WWOX: variants seen among roughly 807,000 people sequenced by gnomAD.
WWOX encodes WW domain-containing oxidoreductase.
WWOX carries 69 observed loss-of-function variants against 46.2 expected under a neutral mutation model. The ratio of observed to expected loss-of-function variants is 1.49; its 90% CI spans 1.23 to 1.82. WWOX has a LOEUF of 1.82. Among genes scored for constraint, WWOX ranks in the 40% most tolerant of loss-of-function variants. WWOX has a pLI of 0.00. For synonymous variants in WWOX, 359 were observed against 202.6 expected (o/e 1.77, Z -6.56); for missense variants, 919 against 542.6 (o/e 1.69, Z -6.89).
At chr16:78,938,273 C>G (rs2045783264) in intron 8 of WWOX, among the ~76,000 whole-genome samples, 1 of 152,180 alleles carries the variant, frequency 6.6e-6, no homozygotes, top group African/African-American at 2.4e-5. Flanking sequence ...GGAAGTAGAT[C>G]AGTGTTGCCC....
intron 8 of WWOX, among the ~76,000 whole-genome samples, chr16:78,568,122 G>A (rs973020220): frequency 2.0e-5 from 3 of 152,148 alleles, no homozygotes; most frequent in Admixed American, 1.3e-4. Context: ...ATTTGAAAGT[G>A]TGCATTAATG....
At chr16:78,381,571 G>A (rs547886955) in intron 5 of WWOX, among the ~76,000 whole-genome samples, 1 of 152,214 alleles carries the variant, frequency 6.6e-6, no homozygotes, top group African/African-American at 2.4e-5. Flanking sequence ...GGTAGAGTCT[G>A]TATACATAAT....
chr16:78,282,164 C>T (rs970487119), intron 5 of WWOX, among the ~76,000 whole-genome samples: 1 of 152,188 alleles, frequency 6.6e-6, no homozygotes, highest in African/African-American at 2.4e-5. Flanking sequence ...TCTGCTTCTC[C>T]ACGGAGTCTG....
At chr16:78,860,371 G>A (rs1429114671) in intron 8 of WWOX, among the ~76,000 whole-genome samples, 1 of 152,134 alleles carries the variant, frequency 6.6e-6, no homozygotes, top group Non-Finnish European at 1.5e-5. Context: ...TCTGTTCTGA[G>A]CACCTCCCAT....
chr16:78,797,750 G>A lies in WWOX; in HGVS notation c.1056+364998G>A, dbSNP rs138319896. On this transcript the variant is annotated intron_variant, in intron 8 of 8. Coordinates refer to ENST00000566780, the MANE Select transcript of WWOX (RefSeq NM_016373.4). ...TGCCTGTAATCCCAGCACTTTGGGA[G>A]GTCGAGGCAGGAGGATCTCTTGAGG... is the stretch of plus-strand genomic sequence containing the variant. Among the ~76,000 whole-genome samples, 416 of 152,312 alleles carry A rather than the reference G, an allele frequency of 2.7e-3. 2 individuals are homozygous for A. Among genetic ancestry groups the A allele is most frequent in the African/African-American group, 9.1e-3 (377 of 41,572 alleles).
At chr16:78,667,914 C>T (rs4499247) in intron 8 of WWOX, among the ~76,000 whole-genome samples, 4,572 of 152,098 alleles carry the variant, frequency 0.03, 94 homozygotes, top group Non-Finnish European at 0.047. Context: ...TAGGATGTGC[C>T]CTCTGCCCCG....
At chr16:79,188,595 A>G (rs1276422667) in intron 8 of WWOX, among the ~76,000 whole-genome samples, 2 of 152,208 alleles carry the variant, frequency 1.3e-5, no homozygotes, top group South Asian at 4.1e-4. Context: ...CTCTCAGTTA[A>G]ATGTTTATCT....
At chr16:78,570,249 A>T (rs1206369368) in intron 8 of WWOX, among the ~76,000 whole-genome samples, 2 of 152,196 alleles carry the variant, frequency 1.3e-5, no homozygotes, top group Non-Finnish European at 2.9e-5. Flanking sequence ...GTGTTTTATT[A>T]ATATAAAAAC....
intron 6 of WWOX, among the ~76,000 whole-genome samples, chr16:78,423,343 A>G (rs1480084118): frequency 6.6e-6 from 1 of 152,190 alleles, no homozygotes; most frequent in Non-Finnish European, 1.5e-5. Context: ...ATGGCTGCAT[A>G]GTATTCTATC....
chr16:78,387,398 T>A (rs996402527), intron 6 of WWOX, among the ~76,000 whole-genome samples: 4 of 152,302 alleles, frequency 2.6e-5, no homozygotes, highest in African/African-American at 9.6e-5. Flanking sequence ...TGATTTGATG[T>A]GGTACATGGA....
intron 8 of WWOX, among the ~76,000 whole-genome samples, chr16:78,982,380 A>C (rs1278485608): frequency 1.3e-5 from 2 of 152,210 alleles, no homozygotes; most frequent in East Asian, 1.9e-4. Context: ...ACAGCGTGCC[A>C]TTGCCAGAAT....
At chr16:78,739,095 C>T (rs1310496297) in intron 8 of WWOX, among the ~76,000 whole-genome samples, 1 of 152,176 alleles carries the variant, frequency 6.6e-6, no homozygotes, top group Non-Finnish European at 1.5e-5. Flanking sequence ...TGCCCCATAG[C>T]TGCAAAGTCA....
chr16:78,809,421 G>C (rs532954385), intron 8 of WWOX, among the ~76,000 whole-genome samples: 2 of 151,632 alleles, frequency 1.3e-5, no homozygotes, highest in African/African-American at 4.8e-5. Context: ...CCCTTCCCTA[G>C]TATGTATTAA....
intron 5 of WWOX, among the ~76,000 whole-genome samples, chr16:78,351,187 G>C (rs1292251578): frequency 6.6e-6 from 1 of 152,174 alleles, no homozygotes; most frequent in Non-Finnish European, 1.5e-5. Context: ...AGCTTACAGA[G>C]ATCCTTCTGG....
intron 8 of WWOX, among the ~76,000 whole-genome samples, chr16:78,802,480 T>C (rs1381167769): frequency 6.6e-6 from 1 of 152,116 alleles, no homozygotes; most frequent in African/African-American, 2.4e-5. Flanking sequence ...ATCTGGAATT[T>C]TATGAAATTT....
At chr16:78,446,270 G>T (rs1419137779) in intron 8 of WWOX, among the ~76,000 whole-genome samples, 3 of 152,172 alleles carry the variant, frequency 2.0e-5, no homozygotes, top group African/African-American at 7.2e-5. Flanking sequence ...GTCTTAGAGA[G>T]GAAGTATGGA....
chr16:78,902,492 A>T (rs2044854656), intron 8 of WWOX, among the ~76,000 whole-genome samples: 1 of 152,198 alleles, frequency 6.6e-6, no homozygotes, highest in Non-Finnish European at 1.5e-5. Context: ...GGCATTTCAC[A>T]ATGTCAGGCA....
chr16:79,033,629 T>C (rs1283277908), intron 8 of WWOX, among the ~76,000 whole-genome samples: 1 of 152,160 alleles, frequency 6.6e-6, no homozygotes, highest in East Asian at 1.9e-4. Context: ...ATTCATATTG[T>C]TGTGCTAACA....
intron 8 of WWOX, among the ~76,000 whole-genome samples, chr16:79,148,008 C>T (rs952573629): frequency 1.3e-5 from 2 of 152,056 alleles, no homozygotes; most frequent in African/African-American, 2.4e-5. Context: ...CAAATATCTT[C>T]TCTCAATCTA....
Sources: gnomAD v4.1 joint callset for allele counts (sites outside exome capture counted in the v4.1 genomes callset) on GRCh38, gnomAD v4.1.1 for gene constraint, MANE v1.5 for transcripts, NCBI Gene and HGNC (gene_info 2026-07-23, HGNC 2026-07-21) for gene names.